Variants in CREB5 observed in about 807,000 individuals in gnomAD.
The protein encoded by CREB5 is cyclic AMP-responsive element-binding protein 5.
Under a neutral mutation model 57.1 loss-of-function variants are expected in CREB5, and 19 were observed. The observed-to-expected ratio is 0.33, with a 90% CI of 0.23 to 0.49. The LOEUF is 0.49. CREB5 is among the 20% of genes least tolerant of loss of function. CREB5 has a pLI of 0.99. For synonymous variants in CREB5, 238 were observed against 238.3 expected, an observed-to-expected ratio of 1.00 and a Z score of 0.01; for missense variants, 579 against 671.6, an observed-to-expected ratio of 0.86 and a Z score of 1.52.
chr7:28,617,486 A>T (rs1797634888), intron 5 of CREB5, among the ~76,000 whole-genome samples: 2 of 152,214 alleles, frequency 1.3e-5, no homozygotes, highest in Admixed American at 1.3e-4. Flanking sequence ...GGGGCTGAAC[A>T]GGGAAAGGAG....
chr7:28,355,695 C>T (rs974576762), intron 1 of CREB5, among the ~76,000 whole-genome samples: 23 of 152,200 alleles, frequency 1.5e-4, no homozygotes, highest in African/African-American at 5.1e-4. Flanking sequence ...ATTAACATGT[C>T]ATCTGAGGTC....
intron 1 of CREB5, among the ~76,000 whole-genome samples, chr7:28,324,149 C>T (rs1785538298): frequency 6.6e-6 from 1 of 152,184 alleles, no homozygotes; most frequent in African/African-American, 2.4e-5. Flanking sequence ...CGAAGGGATA[C>T]ACAACTAGAG....
At chr7:28,628,496 G>C (rs1334006159) in intron 5 of CREB5, among the ~76,000 whole-genome samples, 1 of 152,110 alleles carries the variant, frequency 6.6e-6, no homozygotes, top group African/African-American at 2.4e-5. Context: ...CTTCTCTGGA[G>C]CCCAGGGGAC....
intron 1 of CREB5, among the ~76,000 whole-genome samples, chr7:28,345,216 T>G (rs1786026048): frequency 6.6e-6 from 1 of 151,820 alleles, no homozygotes; most frequent in Non-Finnish European, 1.5e-5. Context: ...TACATTCTTC[T>G]CTAGTGTACA....
At chr7:28,634,469 T>C (rs964729989) in intron 5 of CREB5, among the ~76,000 whole-genome samples, 2 of 152,196 alleles carry the variant, frequency 1.3e-5, no homozygotes, top group African/African-American at 4.8e-5. Flanking sequence ...AAAATTATGA[T>C]GAGCTGCATA....
chr7:28,755,640 T>C (rs1805255718), intron 7 of CREB5, among the ~76,000 whole-genome samples: 1 of 152,162 alleles, frequency 6.6e-6, no homozygotes, highest in African/African-American at 2.4e-5. Context: ...TATCAACTAA[T>C]AGTAATAAGA....
rs1448327800 is a variant in CREB5 at position 28,825,729 on chromosome 7, C to T, written c.*6450C>T. ...TTTTGTGTTAAGCTTTTTGTTGCAT[C>T]GTGAACACATTTATTGTTACCAATG... On this transcript the variant is annotated 3_prime_UTR_variant, in exon 11 of 11. Transcript: ENST00000357727. 2 of 152,508 alleles carry T rather than the reference C, an allele frequency of 1.3e-5. No homozygotes were observed. The highest frequency in any genetic ancestry group is 2.4e-5 in the African/African-American group (1 of 41,396). 9.4% of individuals were successfully genotyped at this position (152,508 alleles called of 1,614,324 possible).
chr7:28,492,728 A>ATG (rs1562754312), intron 2 of CREB5, among the ~76,000 whole-genome samples: 2 of 148,660 alleles, frequency 1.3e-5, no homozygotes, highest in Admixed American at 1.3e-4. Flanking sequence ...ATATATATAT[A>ATG]AAATATAGTA....
At chr7:28,623,872 C>T (rs1169162477) in intron 5 of CREB5, among the ~76,000 whole-genome samples, 2 of 152,216 alleles carry the variant, frequency 1.3e-5, no homozygotes, top group South Asian at 2.1e-4. Flanking sequence ...AGAATATTAA[C>T]GTTCATAAAG....
In CREB5 at chr7:28,545,986, C is replaced by T. The variant is rs576914553; in HGVS notation, c.292-24379C>T. ...CATTTTATTTATCCATTTCTACAAT[C>T]GATCTTGGAACATTTTCAGCCTCCC... On this transcript the variant is annotated intron_variant, in intron 4 of 10. Transcript: ENST00000357727. Among the ~76,000 whole-genome samples the T allele has an allele frequency of 3.3e-5, 5 of 152,298 alleles. No homozygotes were observed. In the East Asian group the frequency reaches 5.8e-4, roughly 18 times the overall value.
intron 7 of CREB5, among the ~76,000 whole-genome samples, chr7:28,764,152 G>A (rs758641727): frequency 7.9e-5 from 12 of 151,850 alleles, no homozygotes; most frequent in Non-Finnish European, 1.6e-4. Flanking sequence ...TCATGGTGCT[G>A]GAAGAAGTTT....
intron 1 of CREB5, among the ~76,000 whole-genome samples, chr7:28,459,205 GGAGT>G (rs1206782161): frequency 1.3e-5 from 2 of 152,098 alleles, no homozygotes; most frequent in Non-Finnish European, 2.9e-5. Flanking sequence ...TGTGTGCGGG[GGAGT>G]CTGTCTTCAG....
intron 4 of CREB5, among the ~76,000 whole-genome samples, chr7:28,517,432 G>T (rs556224717): frequency 3.2e-4 from 48 of 152,256 alleles, no homozygotes; most frequent in Admixed American, 1.2e-3. Flanking sequence ...CCAGCACGTT[G>T]GCTGTCAACT....
chr7:28,593,824 G>A (rs1014987494), intron 5 of CREB5, among the ~76,000 whole-genome samples: 2 of 152,210 alleles, frequency 1.3e-5, no homozygotes, highest in South Asian at 2.1e-4. Context: ...GGGAGGAAGG[G>A]AGAGAGGACC....
chr7:28,491,797 T>G (rs1791820152), intron 2 of CREB5, among the ~76,000 whole-genome samples: 1 of 152,148 alleles, frequency 6.6e-6, no homozygotes. Flanking sequence ...GGTGTTTACT[T>G]TAGGGATGTC....
intron 7 of CREB5, among the ~76,000 whole-genome samples, chr7:28,754,252 T>G (rs1384536621): frequency 1.3e-5 from 2 of 152,204 alleles, no homozygotes; most frequent in Non-Finnish European, 2.9e-5. Context: ...AGAACTGCCA[T>G]TCTCACACCA....
rs1806466936 is a variant in CREB5 at position 28,773,731 on chromosome 7, C to T, written c.703-30468C>T. 2.6e-5 allele frequency among the ~76,000 whole-genome samples: 4 copies of T among 152,332 alleles called. No individual in the cohort carries two copies. The South Asian group carries it at 8.3e-4, about 32-fold the overall frequency. Reference sequence around the variant, plus strand: ...TTTGGAATGGTTTTAATTGTCACCCCTGTCCACTGAGTTCACAGTATTTCA... The same window carrying T: ...TTTGGAATGGTTTTAATTGTCACCCTTGTCCACTGAGTTCACAGTATTTCA... On this transcript the variant is annotated intron_variant, in intron 7 of 10. Transcript: ENST00000357727.
intron 2 of CREB5, 52 bp from the exon 3 acceptor site, chr7:28,494,854 A>G: frequency 3.3e-6 from 4 of 1,220,332 alleles, no homozygotes; most frequent in Non-Finnish European, 4.5e-6. Context: ...TATGTTTTTT[A>G]AAACTGAATG....
rs781412429 is a variant in CREB5, at chr7:28,603,929, C to G, written c.464+33392C>G. ...TGTGGCTGAGAGCTGGGTTGTTTCACAAGTTTAAGGGCAGTGCTTATGTAA... is the reference window on the plus strand; with the variant it reads ...TGTGGCTGAGAGCTGGGTTGTTTCAGAAGTTTAAGGGCAGTGCTTATGTAA... On this transcript the variant is annotated intron_variant, in intron 5 of 10. Transcript: ENST00000357727. Among the ~76,000 whole-genome samples the G allele has an allele frequency of 5.3e-5, 8 of 152,084 alleles. No homozygotes were observed. In the South Asian group the frequency reaches 1.4e-3, roughly 28 times the overall value.
Sources: allele counts gnomAD v4.1 joint callset (sites outside exome capture counted in the v4.1 genomes callset), GRCh38; gene constraint gnomAD v4.1.1; transcripts MANE v1.5; gene names NCBI Gene and HGNC (gene_info 2026-07-23, HGNC 2026-07-21).